RABGAP1L: variants seen among roughly 807,000 people sequenced by gnomAD.
RABGAP1L encodes the protein rab GTPase-activating protein 1-like.
In RABGAP1L, 63 loss-of-function variants were observed where a neutral mutation model predicts 137.7. The observed-to-expected ratio is 0.46, with a 90% confidence interval of 0.37 to 0.56. The LOEUF (loss-of-function observed/expected upper bound fraction) is 0.56, where lower values mean the gene tolerates loss of function less well. Among genes scored for constraint, RABGAP1L ranks in the 20% least tolerant of loss-of-function variants. The pLI, the probability that RABGAP1L is intolerant of heterozygous loss-of-function variation, is 0.00. For synonymous variants in RABGAP1L, 431 were observed against 433.7 expected (o/e 0.99, Z 0.08); for missense variants, 1,095 against 1,244.0 (o/e 0.88, Z 1.80).
chr1:174,306,412 C>G lies in RABGAP1L; in HGVS notation c.1465+1285C>G, dbSNP rs573562877. ...TAAAAGTGTTCCTATTTCTCCACATCCTCTCCAGCACCTGTTGTTTCCTGA... is the reference window on the plus strand; with the variant it reads ...TAAAAGTGTTCCTATTTCTCCACATGCTCTCCAGCACCTGTTGTTTCCTGA... On this transcript the variant is annotated intron_variant, in intron 11 of 25. Coordinates refer to ENST00000681986, the MANE Select transcript of RABGAP1L (RefSeq NM_001366446.1). Among the ~76,000 whole-genome samples, 8 of 152,298 alleles carry G rather than the reference C, an allele frequency of 5.3e-5. No individual in the cohort carries two copies. The South Asian group carries it at 1.7e-3, about 32-fold the overall frequency.
intron 10 of RABGAP1L, among the ~76,000 whole-genome samples, chr1:174,284,581 A>G (rs976571833): frequency 6.6e-6 from 1 of 152,184 alleles, no homozygotes; most frequent in African/African-American, 2.4e-5. Flanking sequence ...CTTCAGATAT[A>G]TACCCAGCAG....
At chr1:174,581,042 A>T (rs932611088) in intron 13 of RABGAP1L, among the ~76,000 whole-genome samples, 1 of 152,208 alleles carries the variant, frequency 6.6e-6, no homozygotes, top group Non-Finnish European at 1.5e-5. Flanking sequence ...AAGGATGTAG[A>T]GAAATTGGGA....
At position 174,436,475 on chromosome 1, in the gene RABGAP1L, A is replaced by G. The variant is rs1571798654; in HGVS notation, c.1710+42330A>G. On this transcript the variant is annotated intron_variant, in intron 13 of 25. Transcript: ENST00000681986. ...CTTCTTTTGAGAAGTGTCTGTTCAT[A>G]TCCTTCACCCACTTTTTGATGGGGT... 4.6e-5 allele frequency among the ~76,000 whole-genome samples: 7 copies of G among 152,186 alleles called. No homozygotes were observed. In the East Asian group the frequency reaches 5.8e-4, roughly 13 times the overall value.
intron 18 of RABGAP1L, among the ~76,000 whole-genome samples, chr1:174,753,373 C>T (rs1684487473): frequency 6.6e-6 from 1 of 152,174 alleles, no homozygotes; most frequent in South Asian, 2.1e-4. Flanking sequence ...GTTAGGAGAG[C>T]CTTAACCATA....
chr1:174,268,809 C>T (rs1389375090), intron 7 of RABGAP1L, among the ~76,000 whole-genome samples: 1 of 152,064 alleles, frequency 6.6e-6, no homozygotes, highest in African/African-American at 2.4e-5. Context: ...TGAGTAAACA[C>T]TAAGTATTAC....
rs1648476727 is a variant in RABGAP1L, at chr1:174,400,755, TTGCAA to T, written c.1710+6613_1710+6617del. Among the ~76,000 whole-genome samples the T allele has an allele frequency of 4.6e-5, 7 of 152,088 alleles. No homozygotes were observed. The South Asian group carries it at 1.5e-3, about 32-fold the overall frequency. On this transcript the variant is annotated intron_variant, in intron 13 of 25. Coordinates refer to ENST00000681986, the MANE Select transcript of RABGAP1L (RefSeq NM_001366446.1). ...TTAAGAATTAGTACCCTAGAGAATTTTGCAATGGTAGTGGGTCATGTAGATTGAGT... is the reference window on the plus strand; with the variant it reads ...TTAAGAATTAGTACCCTAGAGAATTTTGGTAGTGGGTCATGTAGATTGAGT...
intron 13 of RABGAP1L, among the ~76,000 whole-genome samples, chr1:174,551,311 C>G (rs1323140301): frequency 6.6e-6 from 1 of 151,854 alleles, no homozygotes; most frequent in Non-Finnish European, 1.5e-5. Context: ...TTAAACAAGC[C>G]TCAACATATT....
At chr1:174,897,113 T>C (rs891928347) in intron 19 of RABGAP1L, 1 of 152,182 alleles carries the variant, frequency 6.6e-6, no homozygotes, top group African/African-American at 2.4e-5. Context: ...TCTTTTATTT[T>C]GTTGAGCAGT....
At chr1:174,403,804 AT>A (rs35567032) in intron 13 of RABGAP1L, among the ~76,000 whole-genome samples, 248 of 143,120 alleles carry the variant, frequency 1.7e-3, no homozygotes, top group Non-Finnish European at 1.5e-3. Flanking sequence ...CTGGTTTGGG[AT>A]TTTTTTTTTT....
At chr1:174,622,040 G>A (rs755013792) in intron 13 of RABGAP1L, among the ~76,000 whole-genome samples, 62 of 152,110 alleles carry the variant, frequency 4.1e-4, no homozygotes, top group African/African-American at 7.5e-4. Context: ...AAGAGTGGGC[G>A]AAGGATATGA....
intron 13 of RABGAP1L, among the ~76,000 whole-genome samples, chr1:174,497,983 C>T (rs1476105772): frequency 2.6e-5 from 4 of 152,102 alleles, no homozygotes; most frequent in African/African-American, 7.2e-5. Flanking sequence ...ACTATAATAC[C>T]TCCCAAAAGG....
chr1:174,705,453 CATA>C (rs1385580347), intron 17 of RABGAP1L: 1 of 152,194 alleles, frequency 6.6e-6, no homozygotes, highest in Admixed American at 6.5e-5. Flanking sequence ...TTTGAAAGGT[CATA>C]ATGTTCATTA....
At chr1:174,230,140 C>T (rs1416766709) in intron 3 of RABGAP1L, among the ~76,000 whole-genome samples, 5 of 151,600 alleles carry the variant, frequency 3.3e-5, no homozygotes, top group African/African-American at 4.9e-5. Flanking sequence ...AGCAAACTAT[C>T]GCAAGGACAA....
chr1:174,436,931 C>G (rs1571801434), intron 13 of RABGAP1L, among the ~76,000 whole-genome samples: 1 of 152,248 alleles, frequency 6.6e-6, no homozygotes, highest in East Asian at 1.9e-4. Flanking sequence ...TGTTCTGCAG[C>G]CACCGCTGCT....
At chr1:174,350,081 C>T (rs1171460654) in intron 11 of RABGAP1L, among the ~76,000 whole-genome samples, 476 of 129,694 alleles carry the variant, frequency 3.7e-3, no homozygotes, top group African/African-American at 0.011. Flanking sequence ...GCTGGCTGGG[C>T]GGGGGGCTGA....
chr1:174,194,018 G>A (rs1031781267), intron 1 of RABGAP1L, among the ~76,000 whole-genome samples: 12 of 151,874 alleles, frequency 7.9e-5, no homozygotes, highest in African/African-American at 1.9e-4. Context: ...ACCAAGTTAC[G>A]TGTTCAGGGT....
chr1:174,821,199 T>C (rs998847458), intron 19 of RABGAP1L, among the ~76,000 whole-genome samples: 1 of 152,114 alleles, frequency 6.6e-6, no homozygotes, highest in African/African-American at 2.4e-5. Context: ...TGGAAATGCA[T>C]TGTGGGAGGA....
rs1362287963 is a variant in RABGAP1L at position 174,633,616 on chromosome 1, C to G, written c.1711-3759C>G. Among the ~76,000 whole-genome samples the G allele has an allele frequency of 1.1e-4, 13 of 117,848 alleles. 3 individuals are homozygous for G. The highest frequency in any genetic ancestry group is 5.5e-4 in the African/African-American group (11 of 19,910). The allele number at this position is 117,848 out of a possible 152,430, so 77.3% of individuals were successfully genotyped here. ...AAAGAACAAAGCTGGAGGCAGCACA[C>G]TACCTGACTTCAAACTATACTACAA... On this transcript the variant is annotated intron_variant, in intron 13 of 25. Transcript: ENST00000681986.
intron 13 of RABGAP1L, among the ~76,000 whole-genome samples, chr1:174,529,836 TGTA>T (rs1664234849): frequency 6.6e-6 from 1 of 151,956 alleles, no homozygotes; most frequent in Non-Finnish European, 1.5e-5. Context: ...AGATGTTAGT[TGTA>T]GTGGTATTAG....
Sources: gnomAD v4.1 joint callset for allele counts (sites outside exome capture counted in the v4.1 genomes callset) on GRCh38, gnomAD v4.1.1 for gene constraint, MANE v1.5 for transcripts, NCBI Gene and HGNC (gene_info 2026-07-23, HGNC 2026-07-21) for gene names.